EPHB1: variants seen among roughly 807,000 people sequenced by gnomAD.
EPHB1 encodes the protein EPH receptor B1.
EPHB1 carries 30 observed loss-of-function variants against 94.4 expected under a neutral mutation model. That is an observed-to-expected ratio of 0.32 (90% confidence interval 0.24 to 0.43). The LOEUF is 0.43. Among genes scored for constraint, EPHB1 ranks in the 20% least tolerant of loss-of-function variants. The probability of loss-of-function intolerance (pLI) is 1.00; values close to 1 mark genes in which losing one functional copy is unlikely to be tolerated. For synonymous variants in EPHB1, 522 were observed against 489.1 expected (o/e 1.07, Z -0.89); for missense variants, 1,055 against 1,308.3 (o/e 0.81, Z 2.99).
chr3:134,924,430 A>G (rs758062766), intron 1 of EPHB1, among the ~76,000 whole-genome samples: 2 of 152,234 alleles, frequency 1.3e-5, no homozygotes, highest in Non-Finnish European at 2.9e-5. Context: ...GGAGAAAAAG[A>G]TTTGAATAGA....
chr3:135,154,161 C>T lies in EPHB1; in HGVS notation c.1307C>T (p.Thr436Ile). The T allele has an allele frequency of 1.2e-6, 2 of 1,614,008 alleles. No individual in the cohort carries two copies. Among genetic ancestry groups the T allele is most frequent in the South Asian group, 2.2e-5 (2 of 91,080 alleles). The change falls in exon 6 of 16, where the codon ACC (threonine) becomes ATC (isoleucine). Residue 436 changes from threonine to isoleucine, a missense_variant. By Grantham distance (89) the Thr-to-Ile change is moderately conservative. Coordinates refer to ENST00000398015, the MANE Select transcript of EPHB1 (RefSeq NM_004441.5). ...NITTNQAAPS[T>I]VPIMHQVSAT... is the part of the protein sequence containing the mutation. ...CTTTCTCTCTCCACAGCCCCCTCCA[C>T]CGTTCCCATCATGCACCAAGTCAGT... is the stretch of plus-strand genomic sequence containing the variant.
intron 5 of EPHB1, among the ~76,000 whole-genome samples, chr3:135,149,484 T>C (rs964394096): frequency 6.6e-6 from 1 of 152,220 alleles, no homozygotes; most frequent in African/African-American, 2.4e-5. Context: ...CTAGAAGAAG[T>C]TGGTGTTTGA....
At chr3:134,900,333 T>C (rs1406015929) in intron 1 of EPHB1, among the ~76,000 whole-genome samples, 1 of 152,196 alleles carries the variant, frequency 6.6e-6, no homozygotes, top group Non-Finnish European at 1.5e-5. Flanking sequence ...TCATTTTTTA[T>C]TTTTATTTTT....
intron 11 of EPHB1, among the ~76,000 whole-genome samples, chr3:135,197,816 AG>A (rs1942662584): frequency 1.3e-5 from 2 of 150,910 alleles, no homozygotes; most frequent in Admixed American, 1.3e-4. Flanking sequence ...GAAATAAGTT[AG>A]TTTTTTTTTT....
Position 135,117,560 on chromosome 3 carries a change from G to A in EPHB1, c.961+10957G>A, listed in dbSNP as rs561485428. On this transcript the variant is annotated intron_variant, in intron 4 of 15. Transcript: ENST00000398015. Reference sequence around the variant, plus strand: ...ACCTCCACCCCATTAAATAAAAAGTGTTCTGGCTCTGAAGCCACATCAAGA... The same window carrying A: ...ACCTCCACCCCATTAAATAAAAAGTATTCTGGCTCTGAAGCCACATCAAGA... Among the ~76,000 whole-genome samples the A allele has an allele frequency of 3.9e-4, 59 of 152,308 alleles. 1 individual carries two copies. Among genetic ancestry groups the A allele is most frequent in the African/African-American group, 1.3e-3 (54 of 41,572 alleles).
chr3:134,870,462 C>T (rs1486332041), intron 1 of EPHB1, among the ~76,000 whole-genome samples: 1 of 152,156 alleles, frequency 6.6e-6, no homozygotes, highest in African/African-American at 2.4e-5. Flanking sequence ...AGTTTTCCTG[C>T]CATCAACTGG....
chr3:135,058,344 C>A lies in EPHB1; in HGVS notation c.806-48104C>A, dbSNP rs185756286. Among the ~76,000 whole-genome samples the A allele has an allele frequency of 3.3e-3, 507 of 152,300 alleles. 1 individual carries two copies. Among genetic ancestry groups the A allele is most frequent in the African/African-American group, 0.012 (480 of 41,558 alleles). On this transcript the variant is annotated intron_variant, in intron 3 of 15. Transcript: ENST00000398015. ...GGCGGCCCGCCTGGCAGGTGGTGAG[C>A]TCTGCCCACCTCTCCTCTCCTGTCC...
chr3:134,934,335 C>T (rs1203407237), intron 2 of EPHB1, among the ~76,000 whole-genome samples: 1 of 152,178 alleles, frequency 6.6e-6, no homozygotes, highest in East Asian at 1.9e-4. Context: ...GGCTTGAGGG[C>T]CTTGGGTGAG....
chr3:135,048,922 G>C (rs1380403195), intron 3 of EPHB1, among the ~76,000 whole-genome samples: 1 of 152,194 alleles, frequency 6.6e-6, no homozygotes, highest in African/African-American at 2.4e-5. Context: ...CACATTGCTG[G>C]TGTGTGTGAG....
intron 1 of EPHB1, among the ~76,000 whole-genome samples, chr3:134,807,408 T>G (rs1430546182): frequency 6.6e-6 from 1 of 152,034 alleles, no homozygotes; most frequent in Admixed American, 6.5e-5. Flanking sequence ...TAGACTCTGA[T>G]GGATGCGGTA....
At chr3:135,162,261 C>T in intron 7 of EPHB1, 81 bp downstream of exon 7, 1 of 1,410,022 alleles carries the variant, frequency 7.1e-7, no homozygotes, top group Non-Finnish European at 9.4e-7. Flanking sequence ...GCTGCACTAG[C>T]CAAAAATGCT....
intron 3 of EPHB1, among the ~76,000 whole-genome samples, chr3:135,095,670 T>C (rs895080673): frequency 1.3e-5 from 2 of 152,026 alleles, no homozygotes; most frequent in African/African-American, 4.8e-5. Context: ...TGCCTATGGA[T>C]CCCACCCACC....
Position 134,909,109 on chromosome 3 carries a change from T to TGGGCGG in EPHB1, c.59-16704_59-16703insCGGGGG, listed in dbSNP as rs574576286. ...CCATCAGAGAACAGTACACACAAGG[T>TGGGCGG]GGGGGCGGGGGGCGGGCTGGAAGAA... On this transcript the variant is annotated intron_variant, in intron 1 of 15. Transcript: ENST00000398015. Among the ~76,000 whole-genome samples the TGGGCGG allele has an allele frequency of 4.4e-3, 363 of 82,388 alleles. 1 individual carries two copies. The highest frequency in any genetic ancestry group is 0.016 in the East Asian group (36 of 2,310). The allele number at this position is 82,388 out of a possible 152,430, so 54.0% of individuals were successfully genotyped here.
chr3:134,876,104 C>T (rs2037611865), intron 1 of EPHB1, among the ~76,000 whole-genome samples: 1 of 152,164 alleles, frequency 6.6e-6, no homozygotes, highest in South Asian at 2.1e-4. Flanking sequence ...GCTCCTCAGT[C>T]CCTGTGGGAT....
chr3:134,812,057 C>T (rs1008983310), intron 1 of EPHB1, among the ~76,000 whole-genome samples: 2 of 152,176 alleles, frequency 1.3e-5, no homozygotes, highest in Non-Finnish European at 2.9e-5. Flanking sequence ...TGCCTACTCG[C>T]TGAATGTCTG....
chr3:134,830,409 G>C (rs1055495290), intron 1 of EPHB1, among the ~76,000 whole-genome samples: 2 of 152,034 alleles, frequency 1.3e-5, no homozygotes, highest in Admixed American at 6.5e-5. Context: ...TATTTCTTCT[G>C]ATCTCTTTTA....
chr3:134,840,897 CCCT>C (rs2036763958), intron 1 of EPHB1, among the ~76,000 whole-genome samples: 1 of 152,182 alleles, frequency 6.6e-6, no homozygotes, highest in African/African-American at 2.4e-5. Flanking sequence ...GCTGCGATAA[CCCT>C]CCAGCTCACT....
At chr3:134,928,529 G>GTGGA (rs1212380027) in intron 2 of EPHB1, among the ~76,000 whole-genome samples, 1 of 152,244 alleles carries the variant, frequency 6.6e-6, no homozygotes, top group Non-Finnish European at 1.5e-5. Context: ...GAGCAAGTGG[G>GTGGA]TGGATGATGG....
chr3:135,194,988 A>G lies in EPHB1; in HGVS notation c.2130+2165A>G, dbSNP rs139736751. Among the ~76,000 whole-genome samples the G allele has an allele frequency of 1.3e-4, 20 of 152,308 alleles. 1 individual carries two copies. The highest frequency in any genetic ancestry group is 1.2e-3 in the Admixed American group (18 of 15,302). On this transcript the variant is annotated intron_variant, in intron 11 of 15. Transcript: ENST00000398015. ...TGTCATGTCAGTGCAATCATTGTCT[A>G]TGCTTTCCTGGGGACATTCATTTAT...
Sources: gnomAD v4.1 joint callset for allele counts (sites outside exome capture counted in the v4.1 genomes callset) on GRCh38, gnomAD v4.1.1 for gene constraint, MANE v1.5 for transcripts, NCBI Gene and HGNC (gene_info 2026-07-23, HGNC 2026-07-21) for gene names.